UST: variants seen among roughly 807,000 people sequenced by gnomAD.
UST encodes uronyl 2-sulfotransferase.
In UST, 21 loss-of-function variants were observed where a neutral mutation model predicts 45.6. The observed-to-expected ratio is 0.46, with a 90% CI of 0.33 to 0.66. The LOEUF (loss-of-function observed/expected upper bound fraction) is 0.66, where lower values mean the gene tolerates loss of function less well. Ranked by LOEUF, UST falls within the 30% of genes least tolerant of loss-of-function variation. The probability of loss-of-function intolerance (pLI) is 0.02; values close to 1 mark genes in which losing one functional copy is unlikely to be tolerated. For synonymous variants in UST, 215 were observed against 200.6 expected (o/e 1.07, Z -0.61); for missense variants, 463 against 512.4 (o/e 0.90, Z 0.93).
At chr6:148,766,185 C>T (rs1776321822) in intron 1 of UST, among the ~76,000 whole-genome samples, 1 of 152,136 alleles carries the variant, frequency 6.6e-6, no homozygotes, top group Non-Finnish European at 1.5e-5. Flanking sequence ...AAAATATAGC[C>T]TCTCTTCCCC....
Position 148,833,820 on chromosome 6 carries a change from C to A in UST, c.248-53166C>A, listed in dbSNP as rs987200338. 5.5e-4 allele frequency among the ~76,000 whole-genome samples: 83 copies of A among 152,084 alleles called. 1 individual carries two copies. Among genetic ancestry groups the A allele is most frequent in the Non-Finnish European group, 1.5e-5 (1 of 68,008 alleles). On this transcript the variant is annotated intron_variant, in intron 1 of 7. Transcript: ENST00000367463. ...TTTTTGAAAAACATGCCTTTAAAAC[C>A]ACCCATTTCATCAAAAAGGTTAAAG...
intron 7 of UST, among the ~76,000 whole-genome samples, chr6:149,065,763 G>A (rs1179823551): frequency 6.6e-6 from 1 of 152,184 alleles, no homozygotes; most frequent in African/African-American, 2.4e-5. Context: ...ATCAATATTG[G>A]TTGAATCTGA....
chr6:148,836,516 G>A (rs867753587), intron 1 of UST, among the ~76,000 whole-genome samples: 5 of 152,312 alleles, frequency 3.3e-5, no homozygotes, highest in Middle Eastern at 6.8e-3. Flanking sequence ...GAACCTTTTC[G>A]CTGAGTCGCC....
chr6:149,034,840 C>CTCTG (rs1776207276), intron 7 of UST, among the ~76,000 whole-genome samples: 1 of 7,356 alleles, frequency 1.4e-4, no homozygotes, highest in Non-Finnish European at 2.5e-4. Context: ...CTCATTCTCT[C>CTCTG]TCTCTCTCTC....
At chr6:148,758,836 T>C (rs1776146680) in intron 1 of UST, among the ~76,000 whole-genome samples, 1 of 152,226 alleles carries the variant, frequency 6.6e-6, no homozygotes, top group Non-Finnish European at 1.5e-5. Flanking sequence ...TTTACATTAT[T>C]TCGTAGAAAG....
intron 1 of UST, among the ~76,000 whole-genome samples, chr6:148,753,886 G>C (rs1776037416): frequency 6.6e-6 from 1 of 151,946 alleles, no homozygotes; most frequent in Non-Finnish European, 1.5e-5. Context: ...GTATGAAGTG[G>C]TATATTCATT....
At chr6:148,977,269 CTATTGTA>C (rs1201561061) in intron 5 of UST, among the ~76,000 whole-genome samples, 2 of 151,418 alleles carry the variant, frequency 1.3e-5, no homozygotes, top group Non-Finnish European at 2.9e-5. Context: ...CTGTTGTAAC[CTATTGTA>C]TAATTACATA....
intron 7 of UST, among the ~76,000 whole-genome samples, chr6:149,055,462 A>G (rs189377978): frequency 1.3e-5 from 2 of 152,256 alleles, no homozygotes; most frequent in East Asian, 1.9e-4. Flanking sequence ...TTCTCTTTCA[A>G]ACATCTTTGA....
At chr6:148,940,214 T>C (rs867513388) in intron 2 of UST, among the ~76,000 whole-genome samples, 3 of 151,918 alleles carry the variant, frequency 2.0e-5, no homozygotes, top group Non-Finnish European at 4.4e-5. Context: ...AGGTCAGGCA[T>C]GGTGGCTCAT....
At position 148,964,711 on chromosome 6, in the gene UST, G is replaced by A. The variant is rs1780747343; in HGVS notation, c.681+148G>A. On this transcript the variant is annotated intron_variant, in intron 5 of 7. Coordinates refer to ENST00000367463, the MANE Select transcript of UST (RefSeq NM_005715.3). Reference sequence around the variant, plus strand: ...GAGAGGGTGCTTCCGCAGGAAGGAGGTCTTGGCGAGAGAAACTGGTTCCGG... The same window carrying A: ...GAGAGGGTGCTTCCGCAGGAAGGAGATCTTGGCGAGAGAAACTGGTTCCGG... 29 of 972,600 alleles carry A rather than the reference G, an allele frequency of 3.0e-5. 2 individuals carry two copies. In the South Asian group the frequency reaches 4.8e-4, roughly 16 times the overall value. 60.2% of individuals were successfully genotyped at this position (972,600 alleles called of 1,614,324 possible). A position where few individuals can be genotyped will look rare whatever the true frequency, so the allele number is the denominator to read the frequency against.
At chr6:148,830,330 A>ATAGTATAAC (rs1777659379) in intron 1 of UST, among the ~76,000 whole-genome samples, 1 of 152,218 alleles carries the variant, frequency 6.6e-6, no homozygotes, top group African/African-American at 2.4e-5. Context: ...TTCTACATTT[A>ATAGTATAAC]TAGTATAACT....
intron 2 of UST, among the ~76,000 whole-genome samples, chr6:148,927,708 A>C (rs1053108084): frequency 6.6e-6 from 1 of 152,208 alleles, no homozygotes; most frequent in Non-Finnish European, 1.5e-5. Context: ...TGACATCCCC[A>C]TTCCAAAACA....
intron 7 of UST, among the ~76,000 whole-genome samples, chr6:149,039,351 T>C (rs565318482): frequency 3.9e-5 from 6 of 152,070 alleles, no homozygotes; most frequent in Non-Finnish European, 5.9e-5. Context: ...CTCAGCCTCC[T>C]GAGTAGCTGG....
intron 2 of UST, among the ~76,000 whole-genome samples, chr6:148,932,030 C>T (rs1315402689): frequency 1.3e-5 from 2 of 152,224 alleles, no homozygotes; most frequent in Non-Finnish European, 2.9e-5. Flanking sequence ...TTCTGTCAAA[C>T]ATACAAGTAT....
chr6:148,853,958 GA>G (rs1778153909), intron 1 of UST, among the ~76,000 whole-genome samples: 1 of 152,054 alleles, frequency 6.6e-6, no homozygotes, highest in African/African-American at 2.4e-5. Flanking sequence ...GATACATAAG[GA>G]CAAAAATGTG....
chr6:148,954,302 C>T (rs1434350231), intron 4 of UST, among the ~76,000 whole-genome samples: 7 of 152,046 alleles, frequency 4.6e-5, no homozygotes, highest in Non-Finnish European at 8.8e-5. Context: ...ACAATTTGAA[C>T]CTGCACAGAA....
intron 1 of UST, among the ~76,000 whole-genome samples, chr6:148,750,827 C>T (rs1045339599): frequency 1.3e-5 from 2 of 152,204 alleles, no homozygotes; most frequent in Admixed American, 6.5e-5. Flanking sequence ...GAACTAGACC[C>T]TCCCTGAGCT....
intron 1 of UST, among the ~76,000 whole-genome samples, chr6:148,858,844 C>T (rs1778254011): frequency 6.6e-6 from 1 of 152,218 alleles, no homozygotes; most frequent in South Asian, 2.1e-4. Flanking sequence ...TTTTTTATGG[C>T]TGCATAGTAT....
chr6:148,861,549 G>A (rs1454142449), intron 1 of UST, among the ~76,000 whole-genome samples: 2 of 152,088 alleles, frequency 1.3e-5, no homozygotes, highest in African/African-American at 4.8e-5. Flanking sequence ...GGTTTTGAAT[G>A]TGTTTGCTCT....
Sources: gnomAD v4.1 joint callset for allele counts (sites outside exome capture counted in the v4.1 genomes callset) on GRCh38, gnomAD v4.1.1 for gene constraint, MANE v1.5 for transcripts, NCBI Gene and HGNC (gene_info 2026-07-23, HGNC 2026-07-21) for gene names.